LRBA: variants seen among roughly 807,000 people sequenced by gnomAD.
The protein encoded by LRBA is lipopolysaccharide-responsive and beige-like anchor protein.
LRBA carries 176 observed loss-of-function variants against 330.0 expected under a neutral mutation model. The ratio of observed to expected loss-of-function variants is 0.53; its 90% CI spans 0.47 to 0.60. The LOEUF is 0.60. Among genes scored for constraint, LRBA ranks in the 20% least tolerant of loss-of-function variants. The probability of loss-of-function intolerance (pLI) is 0.00; values close to 1 mark genes in which losing one functional copy is unlikely to be tolerated. For missense variants in LRBA, 3,259 were observed against 3,444.8 expected (o/e 0.95, Z 1.35); for synonymous variants, 1,230 against 1,193.0 (o/e 1.03, Z -0.64).
intron 47 of LRBA, among the ~76,000 whole-genome samples, chr4:150,395,411 A>C (rs967729026): frequency 6.6e-6 from 1 of 152,050 alleles, no homozygotes; most frequent in Non-Finnish European, 1.5e-5. Context: ...TGTCTCTAGA[A>C]TCTAGAATGT....
intron 47 of LRBA, among the ~76,000 whole-genome samples, chr4:150,407,668 A>C (rs1369011524): frequency 1.3e-5 from 2 of 152,210 alleles, no homozygotes; most frequent in African/African-American, 4.8e-5. Flanking sequence ...AACTGAAATC[A>C]TACACAGTAT....
chr4:150,757,254 C>T (rs375104886), intron 35 of LRBA, among the ~76,000 whole-genome samples: 1 of 152,092 alleles, frequency 6.6e-6, no homozygotes, highest in African/African-American at 2.4e-5. Context: ...GTTAAAGAGA[C>T]CATCAGCAAA....
chr4:150,270,816 C>CATATGCAGAG (rs1387566002), intron 56 of LRBA, among the ~76,000 whole-genome samples: 1 of 152,144 alleles, frequency 6.6e-6, no homozygotes, highest in Non-Finnish European at 1.5e-5. Flanking sequence ...GGGGACTCTC[C>CATATGCAGAG]ATATGCAGAG....
At chr4:150,431,923 T>A (rs528495717) in intron 46 of LRBA, among the ~76,000 whole-genome samples, 1 of 152,140 alleles carries the variant, frequency 6.6e-6, no homozygotes, top group Non-Finnish European at 1.5e-5. Flanking sequence ...ATTGCTTTAG[T>A]GTAAAAAAAG....
intron 37 of LRBA, 80 bp from the exon 38 acceptor site, chr4:150,599,211 C>A (rs1315943242): frequency 2.5e-5 from 37 of 1,478,966 alleles, no homozygotes; most frequent in Non-Finnish European, 3.1e-5. Flanking sequence ...TAAAGCTCTC[C>A]TTGTTTGCTC....
At chr4:150,963,454 C>T (rs1265671523) in intron 2 of LRBA, among the ~76,000 whole-genome samples, 1 of 149,640 alleles carries the variant, frequency 6.7e-6, no homozygotes, top group Non-Finnish European at 1.5e-5. Flanking sequence ...CCTGAGGTGC[C>T]GGGATTGCAG....
chr4:150,303,536 G>T (rs975458747), intron 52 of LRBA, among the ~76,000 whole-genome samples: 4 of 152,086 alleles, frequency 2.6e-5, no homozygotes, highest in Middle Eastern at 6.8e-3. Flanking sequence ...AAAGGTGTCA[G>T]AAAAAAAGTA....
chr4:150,643,062 G>A (rs1332377649), intron 37 of LRBA, among the ~76,000 whole-genome samples: 3 of 151,790 alleles, frequency 2.0e-5, no homozygotes, highest in African/African-American at 7.3e-5. Context: ...GAAATTTAAA[G>A]TTCCCCCTAT....
intron 22 of LRBA, among the ~76,000 whole-genome samples, chr4:150,864,898 C>T (rs1212937891): frequency 6.6e-6 from 1 of 152,110 alleles, no homozygotes; most frequent in Non-Finnish European, 1.5e-5. Flanking sequence ...CCAGCCGCCT[C>T]AGCCTGTGAT....
At chr4:150,417,097 T>A (rs557267864) in intron 46 of LRBA, among the ~76,000 whole-genome samples, 3 of 151,986 alleles carry the variant, frequency 2.0e-5, no homozygotes. Flanking sequence ...ACATTTTAAG[T>A]ATAAGTTTTT....
intron 29 of LRBA, among the ~76,000 whole-genome samples, chr4:150,830,561 A>G (rs929175093): frequency 5.3e-5 from 8 of 152,076 alleles, no homozygotes; most frequent in Non-Finnish European, 8.8e-5. Flanking sequence ...CCCAGCAAAC[A>G]TCATCTGAAA....
At chr4:150,633,789 C>T (rs1280825533) in intron 37 of LRBA, among the ~76,000 whole-genome samples, 1 of 152,186 alleles carries the variant, frequency 6.6e-6, no homozygotes, top group African/African-American at 2.4e-5. Context: ...TATAACCTTT[C>T]TTCTGGTCCT....
chr4:150,720,950 ACCC>A (rs1394703166), intron 36 of LRBA: 13 of 438,704 alleles, frequency 3.0e-5, no homozygotes, highest in Non-Finnish European at 5.0e-5. Context: ...TTTAAGTGTT[ACCC>A]AACAATATTA....
intron 13 of LRBA, among the ~76,000 whole-genome samples, chr4:150,903,286 G>A (rs1358955893): frequency 6.6e-6 from 1 of 152,174 alleles, no homozygotes; most frequent in East Asian, 1.9e-4. Flanking sequence ...TCAGGAGGCT[G>A]AGGCAGGAGG....
intron 37 of LRBA, among the ~76,000 whole-genome samples, chr4:150,655,194 T>A (rs1273557737): frequency 6.6e-6 from 1 of 152,180 alleles, no homozygotes; most frequent in African/African-American, 2.4e-5. Flanking sequence ...CTTTCCATTT[T>A]AAAAATATAA....
chr4:150,840,865 C>A (rs560739861), intron 28 of LRBA: 178 of 949,672 alleles, frequency 1.9e-4, no homozygotes, highest in Middle Eastern at 4.6e-4. Flanking sequence ...TAAATAGAAA[C>A]TAATGGTAAA....
intron 31 of LRBA, among the ~76,000 whole-genome samples, chr4:150,813,702 T>G (rs1242338632): frequency 6.6e-6 from 1 of 152,146 alleles, no homozygotes. Flanking sequence ...CATTTTGATA[T>G]CAAAATTTCC....
chr4:150,842,899 G>C (rs185006399), intron 28 of LRBA, among the ~76,000 whole-genome samples: 1 of 152,244 alleles, frequency 6.6e-6, no homozygotes, highest in Admixed American at 6.5e-5. Flanking sequence ...GGACCTGTAG[G>C]GGGTAAGAGG....
intron 40 of LRBA, among the ~76,000 whole-genome samples, chr4:150,555,459 T>A (rs1213069421): frequency 6.6e-6 from 1 of 152,090 alleles, no homozygotes; most frequent in South Asian, 2.1e-4. Flanking sequence ...AATTATATCT[T>A]ACAATACAAA....
Sources: gnomAD v4.1 joint callset for allele counts (sites outside exome capture counted in the v4.1 genomes callset) on GRCh38, gnomAD v4.1.1 for gene constraint, MANE v1.5 for transcripts, NCBI Gene and HGNC (gene_info 2026-07-23, HGNC 2026-07-21) for gene names.